The following KLHL28 variants were observed in gnomAD, a reference collection of about 807,000 sequenced individuals.
KLHL28 encodes the protein kelch-like protein 28.
Under a neutral mutation model 48.3 loss-of-function variants are expected in KLHL28, and 22 were observed. The observed-to-expected ratio is 0.46, with a 90% confidence interval of 0.33 to 0.65. The LOEUF is 0.65. Among genes scored for constraint, KLHL28 ranks in the 30% least tolerant of loss-of-function variants. KLHL28 has a pLI of 0.03. For synonymous variants in KLHL28, 243 were observed against 242.4 expected (o/e 1.00, Z -0.02); for missense variants, 527 against 704.3 (o/e 0.75, Z 2.85).
At chr14:44,952,370 A>G (rs975212688) in intron 1 of KLHL28, among the ~76,000 whole-genome samples, 7 of 152,194 alleles carry the variant, frequency 4.6e-5, no homozygotes, top group Non-Finnish European at 1.0e-4. Flanking sequence ...AGCAATCAGA[A>G]ACTACATAGG....
Position 44,945,563 on chromosome 14 carries a change from T to C in KLHL28, c.366A>G (p.Lys122=). ...GGCTTTCAAGAAATGCACAACATTC[T>C]TTCAGGACAAGTTTTATCTGGAGTA... ...ANLLQIKLVL[K]ECCAFLESQL... The change falls in exon 2 of 5, where the codon AAA becomes AAG. Residue 122 remains lysine (K), a synonymous_variant. Transcript: ENST00000396128. The C allele has an allele frequency of 6.2e-7, 1 of 1,614,204 alleles. No individual in the cohort carries two copies. The highest frequency in any genetic ancestry group is 8.5e-7 in the Non-Finnish European group (1 of 1,180,044).
At chr14:44,943,238 ATTTAC>A (rs1329160830) in intron 2 of KLHL28, among the ~76,000 whole-genome samples, 2 of 152,246 alleles carry the variant, frequency 1.3e-5, no homozygotes, top group East Asian at 3.8e-4. Context: ...TACTAATATA[ATTTAC>A]TTTATGCCAG....
intron 2 of KLHL28, among the ~76,000 whole-genome samples, chr14:44,943,206 C>T (rs914248257): frequency 6.6e-6 from 1 of 152,012 alleles, no homozygotes; most frequent in African/African-American, 2.4e-5. Flanking sequence ...AATACATATT[C>T]GAAAATTTTT....
At chr14:44,932,024 T>C (rs1253859884) in intron 3 of KLHL28, among the ~76,000 whole-genome samples, 1 of 151,344 alleles carries the variant, frequency 6.6e-6, no homozygotes, top group Admixed American at 6.6e-5. Flanking sequence ...TGTTCCTAAA[T>C]TTTATTTATT....
intron 2 of KLHL28, among the ~76,000 whole-genome samples, chr14:44,935,906 T>TATATATATATATATA (rs1429152138): frequency 1.7e-3 from 23 of 13,886 alleles, no homozygotes; most frequent in Non-Finnish European, 3.2e-3. Context: ...ATATATATCT[T>TATATATATATATATA]TACCCTCCCC....
intron 3 of KLHL28, among the ~76,000 whole-genome samples, chr14:44,931,898 C>A (rs1418174327): frequency 6.6e-6 from 1 of 152,054 alleles, no homozygotes; most frequent in African/African-American, 2.4e-5. Flanking sequence ...TAAGTCATTT[C>A]CTCTCACCTG....
intron 3 of KLHL28, 141 bp downstream of exon 3, chr14:44,933,974 A>G (rs994233579): frequency 6.6e-6 from 4 of 602,386 alleles, no homozygotes; most frequent in Non-Finnish European, 1.1e-5. Context: ...AACAATTACA[A>G]TTATATCCAT....
In KLHL28 at chr14:44,927,185, A is replaced by C. The variant is rs1471419395; in HGVS notation, c.*1843T>G. 2 of 152,638 alleles carry C rather than the reference A, an allele frequency of 1.3e-5. No individual in the cohort carries two copies. The highest frequency in any genetic ancestry group is 2.4e-5 in the African/African-American group (1 of 41,460). The allele number at this position is 152,638 out of a possible 1,614,324, so 9.5% of individuals were successfully genotyped here. Reference sequence around the variant, plus strand: ...TTGCAAGGTTTTATAATCTGTGCAAATATTCATAAAGCATGATACTACATT... The same window carrying C: ...TTGCAAGGTTTTATAATCTGTGCAACTATTCATAAAGCATGATACTACATT... On this transcript the variant is annotated 3_prime_UTR_variant, in exon 5 of 5. Transcript: ENST00000396128.
chr14:44,946,786 C>T (rs926535052), intron 1 of KLHL28, among the ~76,000 whole-genome samples: 2 of 152,148 alleles, frequency 1.3e-5, no homozygotes, highest in Non-Finnish European at 2.9e-5. Flanking sequence ...AAACTCCCAA[C>T]CTCAAGTGAT....
intron 1 of KLHL28, chr14:44,959,393 T>C (rs1315787314): frequency 1.3e-5 from 2 of 152,118 alleles, no homozygotes; most frequent in Admixed American, 1.3e-4. Flanking sequence ...ATTATTATGA[T>C]TGTTTGTTAA....
Position 44,934,499 on chromosome 14 carries a change from G to C in KLHL28, c.959C>G (p.Pro320Arg). ...SWIGLAPLNI[P>R]RYEFGICVLD... ...AACGCATATTCCAAATTCATAGCGA[G>C]GAATGTTTAGGGGTGCCAAACCAAT... Residue 320 changes from proline (P) to arginine (R), a missense_variant, in exon 3 of 5, where the codon CCT becomes CGT. By Grantham distance (103) the Pro-to-Arg change is moderately radical (BLOSUM62 -2). Coordinates refer to ENST00000396128, the MANE Select transcript of KLHL28 (RefSeq NM_017658.5). The C allele has an allele frequency of 1.2e-6, 2 of 1,613,302 alleles. No homozygotes were observed. The highest frequency in any genetic ancestry group is 1.7e-6 in the Non-Finnish European group (2 of 1,179,636).
At chr14:44,931,652 T>A in intron 3 of KLHL28, 111 bp from the exon 4 acceptor site, 2 of 730,110 alleles carry the variant, frequency 2.7e-6, no homozygotes, top group Non-Finnish European at 4.4e-6. Flanking sequence ...AGAGAGATAT[T>A]AAACAAGAGT....
chr14:44,945,748 T>G lies in KLHL28; in HGVS notation c.181A>C (p.Lys61Gln). The part of the protein sequence containing the change: ...VVLASVSPYF[K>Q]AMFTGNLSEK... ...GAAAGGTTTCCAGTGAACATAGCTT[T>G]GAAATACGGGCTGACGCTGGCAAGT... The change falls in exon 2 of 5, where the codon AAA (lysine) becomes CAA (glutamine). Residue 61 changes from lysine (K) to glutamine (Q), a missense_variant. By Grantham distance (53) the Lys-to-Gln change is moderately conservative. Coordinates refer to ENST00000396128, the MANE Select transcript of KLHL28 (RefSeq NM_017658.5). 6.2e-7 allele frequency: 1 copy of G among 1,614,160 alleles called. No individual in the cohort carries two copies.
rs550543821 is a variant in KLHL28, at chr14:44,925,944, T to G, written c.*3084A>C. ...GATTACATTAATTTCTATTTCCCAG[T>G]GCTGCTCTTTTCCAAAATATTTCTG... On this transcript the variant is annotated 3_prime_UTR_variant, in exon 5 of 5. Coordinates refer to ENST00000396128, the MANE Select transcript of KLHL28 (RefSeq NM_017658.5). The G allele has an allele frequency of 6.6e-6, 1 of 152,204 alleles. No homozygotes were observed. Among genetic ancestry groups the G allele is most frequent in the African/African-American group, 2.4e-5 (1 of 41,456 alleles). 9.4% of individuals were successfully genotyped at this position (152,204 alleles called of 1,614,324 possible).
At chr14:44,937,231 C>T (rs1021202195) in intron 2 of KLHL28, among the ~76,000 whole-genome samples, 26 of 151,730 alleles carry the variant, frequency 1.7e-4, no homozygotes, top group African/African-American at 4.1e-4. Context: ...CCACAACCTC[C>T]GCCTCCCAGG....
chr14:44,958,634 T>A (rs1256786033), intron 1 of KLHL28, among the ~76,000 whole-genome samples: 2 of 152,086 alleles, frequency 1.3e-5, no homozygotes, highest in African/African-American at 4.8e-5. Context: ...AAAAGAAAAG[T>A]AAAATTAGAA....
chr14:44,934,841 C>T (rs938840856), intron 2 of KLHL28, among the ~76,000 whole-genome samples: 19 of 152,264 alleles, frequency 1.2e-4, no homozygotes, highest in Middle Eastern at 3.4e-3. Context: ...TGTCCTGACT[C>T]AGTAATTACA....
intron 1 of KLHL28, among the ~76,000 whole-genome samples, chr14:44,950,158 T>C (rs374977399): frequency 2.0e-5 from 3 of 151,876 alleles, no homozygotes; most frequent in Non-Finnish European, 2.9e-5. Context: ...ATTAAACGAG[T>C]TTATACATAA....
chr14:44,930,510 C>G (rs1382914716), intron 4 of KLHL28, among the ~76,000 whole-genome samples: 1 of 152,134 alleles, frequency 6.6e-6, no homozygotes, highest in Non-Finnish European at 1.5e-5. Context: ...GTGATCCTCC[C>G]ACTTCGGCCT....
Sources: gnomAD v4.1 joint callset for allele counts (sites outside exome capture counted in the v4.1 genomes callset) on GRCh38, gnomAD v4.1.1 for gene constraint, MANE v1.5 for transcripts, NCBI Gene and HGNC (gene_info 2026-07-23, HGNC 2026-07-21) for gene names.